The following USP47 variants were observed in gnomAD, a reference collection of about 807,000 sequenced individuals.
USP47 encodes the protein ubiquitin carboxyl-terminal hydrolase 47.
In USP47, 35 loss-of-function variants were observed where a neutral mutation model predicts 165.1. That is an observed-to-expected ratio of 0.21 (90% CI 0.16 to 0.28). USP47 has a LOEUF of 0.28. Ranked by LOEUF, USP47 falls within the 10% of genes least tolerant of loss-of-function variation. The probability of loss-of-function intolerance (pLI) is 1.00; values close to 1 mark genes in which losing one functional copy is unlikely to be tolerated. For missense variants in USP47, 1,277 were observed against 1,607.4 expected (o/e 0.79, Z 3.52); for synonymous variants, 531 against 544.5 (o/e 0.98, Z 0.35).
Position 11,936,385 on chromosome 11 carries a change from C to A in USP47, c.1952C>A (p.Ser651Ter). Residue 651 changes from serine to a stop codon, truncating the protein, a stop_gained, in exon 17 of 28, where the codon TCA becomes TAA. Transcript: ENST00000527733. LOFTEE classifies it high-confidence loss of function. ...YDEFHDYLER[S>*]YEGEEDTPMG... ...GAGTTTCATGATTATCTAGAACGGTCATATGAAGGAGAAGAAGATACACCA... is the reference window on the plus strand; with the variant it reads ...GAGTTTCATGATTATCTAGAACGGTAATATGAAGGAGAAGAAGATACACCA... 6.2e-7 allele frequency: 1 copy of A among 1,610,210 alleles called. No individual in the cohort carries two copies. The highest frequency in any genetic ancestry group is 1.1e-5 in the South Asian group (1 of 90,800).
chr11:11,896,171 C>G (rs917414771), intron 4 of USP47, among the ~76,000 whole-genome samples: 4 of 152,044 alleles, frequency 2.6e-5, no homozygotes, highest in African/African-American at 9.7e-5. Flanking sequence ...ATTTTTATAC[C>G]TGATGGTAAA....
chr11:11,906,997 A>G (rs7947202), intron 8 of USP47, among the ~76,000 whole-genome samples: 109,756 of 152,034 alleles, frequency 0.72, 40,577 homozygotes, highest in Middle Eastern at 0.9. Flanking sequence ...TATACATTTA[A>G]TTTAGTTTTT....
intron 1 of USP47, among the ~76,000 whole-genome samples, chr11:11,851,530 C>T (rs1259274028): frequency 1.3e-5 from 2 of 151,994 alleles, no homozygotes; most frequent in Admixed American, 6.6e-5. Context: ...TTCCGTATAC[C>T]CTTCATCCAG....
intron 3 of USP47, among the ~76,000 whole-genome samples, 186 bp from the exon 4 acceptor site, chr11:11,891,782 T>G (rs866484694): frequency 6.6e-6 from 1 of 152,156 alleles, no homozygotes. Context: ...GTACCAAAAA[T>G]CTTCTCTCAT....
rs192644166 is a variant in USP47 at position 11,858,000 on chromosome 11, A to G, written c.39+15776A>G. ...GCTTCACTTCAGCCTCTGATTTGGC[A>G]CCACTTCATTTACATGAGGTGAATA... On this transcript the variant is annotated intron_variant, in intron 1 of 27. Transcript: ENST00000527733. Among the ~76,000 whole-genome samples, 335 of 152,250 alleles carry G rather than the reference A, an allele frequency of 2.2e-3. 2 individuals are homozygous for G. The highest frequency in any genetic ancestry group is 3.8e-3 in the Non-Finnish European group (261 of 68,024).
intron 5 of USP47, among the ~76,000 whole-genome samples, chr11:11,899,483 A>G (rs1380198966): frequency 6.6e-6 from 1 of 152,200 alleles, no homozygotes; most frequent in Non-Finnish European, 1.5e-5. Flanking sequence ...AAACCTATAT[A>G]TAAGCTCATT....
intron 3 of USP47, 82 bp from the exon 4 acceptor site, chr11:11,891,886 A>G (rs1851538856): frequency 2.6e-6 from 4 of 1,521,016 alleles, no homozygotes; most frequent in South Asian, 1.3e-5. Context: ...GCATCATTCA[A>G]ACCTTCCTAC....
intron 1 of USP47, chr11:11,878,690 G>T (rs549953734): frequency 6.6e-6 from 1 of 151,894 alleles, no homozygotes; most frequent in Non-Finnish European, 1.5e-5. Flanking sequence ...TGTCTGAATT[G>T]TAGTGCTACC....
At chr11:11,857,044 A>G (rs1849086615) in intron 1 of USP47, among the ~76,000 whole-genome samples, 1 of 152,188 alleles carries the variant, frequency 6.6e-6, no homozygotes, top group African/African-American at 2.4e-5. Context: ...TCCTAAGGTT[A>G]TCCACAGTGC....
chr11:11,887,946 C>A (rs1851270446), intron 3 of USP47, among the ~76,000 whole-genome samples: 1 of 152,156 alleles, frequency 6.6e-6, no homozygotes, highest in Non-Finnish European at 1.5e-5. Flanking sequence ...AATTGAACAA[C>A]CTGCTCCCAA....
chr11:11,910,231 C>T (rs1852864933), intron 8 of USP47, among the ~76,000 whole-genome samples: 1 of 152,126 alleles, frequency 6.6e-6, no homozygotes, highest in Non-Finnish European at 1.5e-5. Context: ...AAGGCATACA[C>T]ACTAGGGACC....
intron 8 of USP47, among the ~76,000 whole-genome samples, chr11:11,910,611 AG>A (rs1564875360): frequency 6.6e-6 from 1 of 151,964 alleles, no homozygotes; most frequent in East Asian, 1.9e-4. Context: ...TGCCCTTTAC[AG>A]CCAAGGTTAT....
intron 24 of USP47, 30 bp from the exon 25 acceptor site, chr11:11,952,711 G>T: frequency 6.4e-7 from 1 of 1,554,960 alleles, no homozygotes; most frequent in Non-Finnish European, 8.7e-7. Flanking sequence ...AGAGGAAATA[G>T]AATGATGACC....
At chr11:11,905,180 G>A (rs1852478214) in intron 7 of USP47, among the ~76,000 whole-genome samples, 1 of 149,976 alleles carries the variant, frequency 6.7e-6, no homozygotes, top group Non-Finnish European at 1.5e-5. Flanking sequence ...ATTGATTTTA[G>A]GTTATTTGTG....
At chr11:11,955,220 T>TA in intron 27 of USP47, 56 bp downstream of exon 27, 2 of 1,567,334 alleles carry the variant, frequency 1.3e-6, no homozygotes, top group Non-Finnish European at 1.7e-6. Context: ...CGTGCATACA[T>TA]ATCTTATTTT....
In USP47 at chr11:11,942,862, C is replaced by T; in HGVS notation, c.2841C>T (p.Ser947=). The change falls in exon 20 of 28, where the codon AGC becomes AGT. Residue 947 remains serine (S), a synonymous_variant. Coordinates refer to ENST00000527733, the MANE Select transcript of USP47 (RefSeq NM_001282659.2). Reference sequence around the variant, plus strand: ...GTGATATTCTTAGCTCCAGTCATAGCAGTGATACTTTGTGCAATGCAGACA... The same window carrying T: ...GTGATATTCTTAGCTCCAGTCATAGTAGTGATACTTTGTGCAATGCAGACA... ...VDSDILSSSH[S]SDTLCNADNA... 1 of 1,613,674 alleles carries T rather than the reference C, an allele frequency of 6.2e-7. No homozygotes were observed. The highest frequency in any genetic ancestry group is 8.5e-7 in the Non-Finnish European group (1 of 1,179,756).
rs769942114 is a variant in USP47 at position 11,942,912 on chromosome 11, G to C, written c.2891G>C (p.Gly964Ala). Reference sequence around the variant, plus strand: ...AATGCTCAGATCCCTTTGGCTAATGGACTTGACTCTCACAGTATCACAAGT... The same window carrying C: ...AATGCTCAGATCCCTTTGGCTAATGCACTTGACTCTCACAGTATCACAAGT... Reference protein sequence around the residue: ...ADNAQIPLANGLDSHSITSSR... With the variant: ...ADNAQIPLANALDSHSITSSR... The change falls in exon 20 of 28, where the codon GGA (glycine) becomes GCA (alanine). Residue 964 changes from glycine (G) to alanine (A), a missense_variant. Physicochemically the swap from Gly to Ala is moderately conservative, Grantham distance 60. Around this residue, in one of 4 missense-constraint regions of USP47, gnomAD observed 909 missense variants for 1,068.1 expected, o/e 0.85. Transcript: ENST00000527733. The C allele has an allele frequency of 6.2e-7, 1 of 1,613,560 alleles. No individual in the cohort carries two copies. The highest frequency in any genetic ancestry group is 1.7e-5 in the Admixed American group (1 of 59,924).
chr11:11,897,174 A>G (rs1436905686), intron 4 of USP47, among the ~76,000 whole-genome samples: 1 of 151,170 alleles, frequency 6.6e-6, no homozygotes, highest in Non-Finnish European at 1.5e-5. Context: ...TCTACACTGG[A>G]TGTGTGTGGT....
At chr11:11,853,708 A>G (rs995636901) in intron 1 of USP47, among the ~76,000 whole-genome samples, 3 of 152,234 alleles carry the variant, frequency 2.0e-5, no homozygotes, top group African/African-American at 7.2e-5. Context: ...ATCCATGTAT[A>G]TGAATGTTTT....
Sources: gnomAD v4.1 joint callset for allele counts (sites outside exome capture counted in the v4.1 genomes callset) on GRCh38, gnomAD v4.1.1 for gene constraint, gnomAD v4.1.1 regional missense constraint, MANE v1.5 for transcripts, NCBI Gene and HGNC (gene_info 2026-07-23, HGNC 2026-07-21) for gene names.